Variants in INTS8 observed in about 807,000 individuals in gnomAD.
INTS8 encodes the protein integrator complex subunit 8, also known as protein kaonashi-1.
Under a neutral mutation model 138.9 loss-of-function variants are expected in INTS8, and 47 were observed. The ratio of observed to expected loss-of-function variants is 0.34; its 90% CI spans 0.27 to 0.43. INTS8 has a LOEUF of 0.43. Ranked by LOEUF, INTS8 falls within the 20% of genes least tolerant of loss-of-function variation. The pLI is 1.00. For synonymous variants in INTS8, 392 were observed against 400.9 expected (o/e 0.98, Z 0.27); for missense variants, 996 against 1,173.0 (o/e 0.85, Z 2.20).
rs576300184 is a variant in INTS8 at position 94,829,265 on chromosome 8, C to T, written c.570+239C>T. Reference sequence around the variant, plus strand: ...TATATGGAAATAATTATCCAACTCACCATAATTTAGAATCAACGGGAACCC... The same window carrying T: ...TATATGGAAATAATTATCCAACTCATCATAATTTAGAATCAACGGGAACCC... On this transcript the variant is annotated intron_variant, in intron 5 of 26. Coordinates refer to ENST00000523731, the MANE Select transcript of INTS8 (RefSeq NM_017864.4). Among the ~76,000 whole-genome samples the T allele has an allele frequency of 4.6e-5, 7 of 151,956 alleles. No homozygotes were observed. In the South Asian group the frequency reaches 1.5e-3, roughly 32 times the overall value.
rs766320461 is a variant in INTS8, at chr8:94,881,647, T to G, written c.*1413T>G. 2 of 1,613,114 alleles carry G rather than the reference T, an allele frequency of 1.2e-6. No homozygotes were observed. Among genetic ancestry groups the G allele is most frequent in the African/African-American group, 2.7e-5 (2 of 74,846 alleles). On this transcript the variant is annotated 3_prime_UTR_variant, in exon 27 of 27. Coordinates refer to ENST00000523731, the MANE Select transcript of INTS8 (RefSeq NM_017864.4). ...GTTATCTTCTTTAGTGTTTTCCTGG[T>G]GGTTTTTCAGTGCTCTTCGGTGGTG...
At chr8:94,835,095 C>T (rs911939209) in intron 6 of INTS8, among the ~76,000 whole-genome samples, 1 of 152,178 alleles carries the variant, frequency 6.6e-6, no homozygotes, top group Non-Finnish European at 1.5e-5. Flanking sequence ...TTTGAACTTT[C>T]TTCTGTTTTG....
Position 94,844,614 on chromosome 8 carries a change from A to G in INTS8, c.1260+2126A>G, listed in dbSNP as rs112994205. 7.4e-3 allele frequency among the ~76,000 whole-genome samples: 1,120 copies of G among 151,994 alleles called. 7 individuals carry two copies. The highest frequency in any genetic ancestry group is 0.026 in the African/African-American group (1,066 of 41,486). ...TTACAGGCATGAGCCGTGCCCGGCC[A>G]TGTTATGTCTCATTTTTCTATTATA... On this transcript the variant is annotated intron_variant, in intron 10 of 26. Coordinates refer to ENST00000523731, the MANE Select transcript of INTS8 (RefSeq NM_017864.4).
At chr8:94,872,510 A>C (rs1448394359) in intron 21 of INTS8, among the ~76,000 whole-genome samples, 1 of 152,248 alleles carries the variant, frequency 6.6e-6, no homozygotes. Flanking sequence ...TTAGGATTAC[A>C]GGCGTGAGCC....
chr8:94,874,370 T>C (rs1419540479), intron 22 of INTS8, among the ~76,000 whole-genome samples, 182 bp from the exon 23 acceptor site: 1 of 152,178 alleles, frequency 6.6e-6, no homozygotes, highest in African/African-American at 2.4e-5. Flanking sequence ...ATTAGATTTT[T>C]GGTTTATTTT....
intron 8 of INTS8, 130 bp downstream of exon 8, chr8:94,838,748 C>T (rs1162092234): frequency 4.8e-6 from 3 of 626,468 alleles, no homozygotes; most frequent in Non-Finnish European, 8.5e-6. Flanking sequence ...TGGCCTGTAA[C>T]ATAATGGTAA....
chr8:94,829,142 A>G, intron 5 of INTS8, 116 bp downstream of exon 5: 1 of 705,964 alleles, frequency 1.4e-6, no homozygotes, highest in Non-Finnish European at 2.5e-6. Flanking sequence ...AGGAAACTGG[A>G]TGTGGTGTGG....
At position 94,842,037 on chromosome 8, in the gene INTS8, C is replaced by G. The variant is rs1815153636; in HGVS notation, c.1119-310C>G. Among the ~76,000 whole-genome samples, 5 of 151,316 alleles carry G rather than the reference C, an allele frequency of 3.3e-5. No individual in the cohort carries two copies. In the South Asian group the frequency reaches 1.0e-3, roughly 32 times the overall value. On this transcript the variant is annotated intron_variant, in intron 9 of 26. Transcript: ENST00000523731. ...TGAGCCGAGATTGCACCACTGTACT[C>G]CAGCCTGGGTGACAAAGCAAGACTC...
rs780130896 is a variant in INTS8 at position 94,873,408 on chromosome 8, C to T, written c.2568C>T (p.Tyr856=). 1.2e-6 allele frequency: 2 copies of T among 1,613,912 alleles called. No individual in the cohort carries two copies. Among genetic ancestry groups the T allele is most frequent in the Admixed American group, 3.3e-5 (2 of 60,026 alleles). Residue 856 remains tyrosine, a synonymous_variant, in exon 22 of 27, where the codon TAC becomes TAT. Coordinates refer to ENST00000523731, the MANE Select transcript of INTS8 (RefSeq NM_017864.4). The part of the protein sequence containing the change: ...TNQYSAALHY[Y]LQAGAVCSDF... ...AGTATTCAGCAGCTCTTCACTATTA[C>T]CTCCAGGCAGGAGCTGTGTGTTCTG... is the stretch of plus-strand genomic sequence containing the variant.
intron 7 of INTS8, among the ~76,000 whole-genome samples, chr8:94,837,009 T>C (rs1337238284): frequency 6.6e-6 from 1 of 152,194 alleles, no homozygotes; most frequent in Non-Finnish European, 1.5e-5. Flanking sequence ...GCAATATTTG[T>C]ATCTGCAAGC....
Position 94,876,451 on chromosome 8 carries a change from C to T in INTS8, c.2833C>T (p.His945Tyr). ...TTCCTTAACTGATTCATTAGATCTT[C>T]ATCATAAAAGAGGAGAAACAGATAA... ...VTILEYLTYLHHKRGETDKRQ... is the reference protein window; with the variant it reads ...VTILEYLTYLYHKRGETDKRQ... Residue 945 changes from histidine (H) to tyrosine (Y), a missense_variant, in exon 26 of 27, where the codon CAT (histidine) becomes TAT (tyrosine). Transcript: ENST00000523731. The T allele has an allele frequency of 6.5e-7, 1 of 1,541,858 alleles. No homozygotes were observed. Among genetic ancestry groups the T allele is most frequent in the South Asian group, 1.2e-5 (1 of 86,210 alleles).
At chr8:94,869,573 A>G (rs914788653) in intron 20 of INTS8, among the ~76,000 whole-genome samples, 6 of 151,522 alleles carry the variant, frequency 4.0e-5, no homozygotes, top group African/African-American at 1.5e-4. Flanking sequence ...GCTCACTGCA[A>G]CCTCCGCCTC....
chr8:94,851,085 T>C (rs1305808582), intron 12 of INTS8, among the ~76,000 whole-genome samples: 1 of 152,190 alleles, frequency 6.6e-6, no homozygotes, highest in Non-Finnish European at 1.5e-5. Flanking sequence ...GAGCTGTAAT[T>C]AGGGATTTTG....
chr8:94,865,571 C>T lies in INTS8; in HGVS notation c.2142C>T (p.Ala714=). The T allele has an allele frequency of 6.2e-7, 1 of 1,614,048 alleles. No individual in the cohort carries two copies. Among genetic ancestry groups the T allele is most frequent in the Non-Finnish European group, 8.5e-7 (1 of 1,179,948 alleles). Residue 714 remains alanine (A), a synonymous_variant, in exon 17 of 27, where the codon GCC becomes GCT. Coordinates refer to ENST00000523731, the MANE Select transcript of INTS8 (RefSeq NM_017864.4). The part of the protein sequence containing the change: ...LPGPKESRRT[A]KDLWEVVVQI... ...GCCCTAAAGAAAGTAGACGGACTGCCAAAGACCTTTGGGAAGTTGTTGTTC... is the reference window on the plus strand; with the variant it reads ...GCCCTAAAGAAAGTAGACGGACTGCTAAAGACCTTTGGGAAGTTGTTGTTC...
At chr8:94,834,217 G>T (rs893825139) in intron 6 of INTS8, among the ~76,000 whole-genome samples, 1 of 152,106 alleles carries the variant, frequency 6.6e-6, no homozygotes, top group African/African-American at 2.4e-5. Context: ...AATCTATTGA[G>T]CACCTCTTAA....
chr8:94,836,097 A>G (rs1476007366), intron 6 of INTS8, among the ~76,000 whole-genome samples: 1 of 152,184 alleles, frequency 6.6e-6, no homozygotes, highest in African/African-American at 2.4e-5. Context: ...CAACAGCGAC[A>G]GTAAAATCTA....
intron 9 of INTS8, among the ~76,000 whole-genome samples, 172 bp downstream of exon 9, chr8:94,841,763 G>A (rs1230488157): frequency 6.6e-6 from 1 of 151,946 alleles, no homozygotes; most frequent in Non-Finnish European, 1.5e-5. Flanking sequence ...CCTCCGTCTA[G>A]TCTGTTTTAA....
chr8:94,870,321 T>G (rs901182828), intron 20 of INTS8, among the ~76,000 whole-genome samples: 4 of 152,208 alleles, frequency 2.6e-5, no homozygotes, highest in Non-Finnish European at 5.9e-5. Flanking sequence ...AAAGTACTGG[T>G]ATTACAGGCG....
chr8:94,828,938 C>T, intron 4 of INTS8, 37 bp from the exon 5 acceptor site: 1 of 1,405,696 alleles, frequency 7.1e-7, no homozygotes, highest in Non-Finnish European at 1.0e-6. Context: ...TTGAGAGTAA[C>T]TTTTGATACT....
Sources: gnomAD v4.1 joint callset for allele counts (sites outside exome capture counted in the v4.1 genomes callset) on GRCh38, gnomAD v4.1.1 for gene constraint, MANE v1.5 for transcripts, NCBI Gene and HGNC (gene_info 2026-07-23, HGNC 2026-07-21) for gene names.